The following SHROOM2 variants were observed in gnomAD, a reference collection of about 807,000 sequenced individuals.
SHROOM2 encodes protein Shroom2.
Under a neutral mutation model 75.9 loss-of-function variants are expected in SHROOM2, and 33 were observed. The observed-to-expected ratio is 0.43, with a 90% confidence interval of 0.33 to 0.58. The LOEUF is 0.58. SHROOM2 is among the 20% of genes least tolerant of loss of function. SHROOM2 has a pLI of 0.04. For synonymous variants in SHROOM2, 655 were observed against 663.6 expected, an observed-to-expected ratio of 0.99 and a Z score of 0.20; for missense variants, 1,434 against 1,461.2, an observed-to-expected ratio of 0.98 and a Z score of 0.30.
At chrX:9,803,313 C>T (rs746523830) in intron 1 of SHROOM2, among the ~76,000 whole-genome samples, 2 of 111,567 alleles carry the variant, frequency 1.8e-5, no homozygotes, top group East Asian at 5.6e-4. Flanking sequence ...GTGTAAGCCA[C>T]ATGAGCCATA....
At chrX:9,848,490 G>A (rs990839732) in intron 1 of SHROOM2, among the ~76,000 whole-genome samples, 8 of 62,777 alleles carry the variant, frequency 1.3e-4, no homozygotes, top group African/African-American at 4.4e-4. Flanking sequence ...CGGCCTGGGC[G>A]ACAGAGCGAG....
At chrX:9,848,006 C>A (rs746053670) in intron 1 of SHROOM2, among the ~76,000 whole-genome samples, 1 of 112,210 alleles carries the variant, frequency 8.9e-6, no homozygotes, top group South Asian at 3.7e-4. Flanking sequence ...TGTTTACCAA[C>A]AACCTGAAAA....
At chrX:9,935,482 G>T (rs898145227) in intron 6 of SHROOM2, among the ~76,000 whole-genome samples, 2 of 111,028 alleles carry the variant, frequency 1.8e-5, no homozygotes, top group Non-Finnish European at 3.8e-5. Context: ...GCCTAGCCAG[G>T]GTTTTCCTTC....
chrX:9,796,505 T>G (rs1372726177), intron 1 of SHROOM2, among the ~76,000 whole-genome samples: 1 of 111,978 alleles, frequency 8.9e-6, no homozygotes, highest in Non-Finnish European at 1.9e-5. Context: ...CTATGTTATT[T>G]GTAGCCCACC....
intron 1 of SHROOM2, among the ~76,000 whole-genome samples, chrX:9,851,446 C>CT (rs746715538): frequency 0.088 from 5,455 of 62,168 alleles, 614 homozygotes; most frequent in East Asian, 0.29. Context: ...CAGGATATTG[C>CT]TTTTTTTTTT....
intron 1 of SHROOM2, among the ~76,000 whole-genome samples, chrX:9,839,013 G>A (rs1056275820): frequency 4.5e-5 from 5 of 111,018 alleles, no homozygotes; most frequent in Non-Finnish European, 7.6e-5. Context: ...CTTCCCTGTC[G>A]CACGTGGAAG....
rs1336376754 is a variant in SHROOM2, at chrX:9,939,058, C to G, written c.4140-137C>G. ...ACCTTGTTACCTACTTACTTTTCCCCCTTTGGCTGTCTCATCTCCCTGGCT... is the reference window on the plus strand; with the variant it reads ...ACCTTGTTACCTACTTACTTTTCCCGCTTTGGCTGTCTCATCTCCCTGGCT... On this transcript the variant is annotated intron_variant, in intron 7 of 9. Coordinates refer to ENST00000380913, the MANE Select transcript of SHROOM2 (RefSeq NM_001649.4). The G allele has an allele frequency of 2.2e-5, 10 of 464,987 alleles. No homozygotes were observed. The African/African-American group carries it at 2.5e-4, about 11-fold the overall frequency. The allele number at this position is 464,987 out of a possible 1,213,427, so 38.3% of individuals were successfully genotyped here. A position where few individuals can be genotyped will look rare whatever the true frequency, so the allele number is the denominator to read the frequency against.
At chrX:9,941,831 C>T (rs191058612) in intron 8 of SHROOM2, among the ~76,000 whole-genome samples, 3,215 of 108,392 alleles carry the variant, frequency 0.03, 116 homozygotes, top group African/African-American at 0.1. Flanking sequence ...ATTAGCCAGG[C>T]GTGGTGGCGG....
At position 9,930,137 on chromosome X, in the gene SHROOM2, T is replaced by C. The variant is rs1443875615; in HGVS notation, c.2892-2038T>C. On this transcript the variant is annotated intron_variant, in intron 5 of 9. Coordinates refer to ENST00000380913, the MANE Select transcript of SHROOM2 (RefSeq NM_001649.4). ...GGTACCAGGTGCTTTCAAGTGGGTC[T>C]ATGGGTGATAGATTTCAGGAGTTTT... 3.6e-5 allele frequency among the ~76,000 whole-genome samples: 4 copies of C among 111,555 alleles called. No homozygotes were observed. In the Admixed American group the frequency reaches 3.8e-4, roughly 11 times the overall value.
At chrX:9,865,655 G>C (rs929707488) in intron 1 of SHROOM2, 1 of 99,170 alleles carries the variant, frequency 1.0e-5, no homozygotes, top group Non-Finnish European at 2.0e-5. Context: ...CTGCCTCCCA[G>C]GTTCACACTA....
rs1444618495 is a variant in SHROOM2 at position 9,940,705 on chromosome X, C to T, written c.4311+1339C>T. Among the ~76,000 whole-genome samples the T allele has an allele frequency of 5.3e-5, 6 of 112,711 alleles. No homozygotes were observed. The East Asian group carries it at 8.4e-4, about 16-fold the overall frequency. ...CTTATGATGTCGCACATTCCTGCAA[C>T]GCGTGCACAGGCGGAGGCGTGTTCA... is the stretch of plus-strand genomic sequence containing the variant. On this transcript the variant is annotated intron_variant, in intron 8 of 9. Transcript: ENST00000380913.
At position 9,786,564 on chromosome X, in the gene SHROOM2, C is replaced by G. The variant is rs2083614249; in HGVS notation, c.19C>G (p.Arg7Gly). The G allele has an allele frequency of 4.7e-6, 4 of 855,814 alleles. No homozygotes were observed. The highest frequency in any genetic ancestry group is 4.3e-6 in the Non-Finnish European group (3 of 704,069). 70.5% of individuals were successfully genotyped at this position (855,814 alleles called of 1,213,427 possible). Reference protein sequence around the residue: MEGAEPRARPERLAEAE... With the variant: MEGAEPGARPERLAEAE... ...TCGCGCCATGGAGGGCGCCGAGCCC[C>G]GCGCGCGGCCCGAGCGCCTGGCCGA... Residue 7 changes from arginine (R) to glycine (G), a missense_variant, in exon 1 of 10, where the codon CGC (arginine) becomes GGC (glycine). Arg to Gly is a moderately radical substitution (Grantham distance 125). Transcript: ENST00000380913.
chrX:9,945,063 C>T (rs2084806692), intron 9 of SHROOM2, 150 bp downstream of exon 9: 8 of 496,929 alleles, frequency 1.6e-5, no homozygotes, highest in South Asian at 1.4e-4. Context: ...AGACAGTGCA[C>T]GCTCTATACC....
chrX:9,900,339 G>A (rs1666042336), intron 5 of SHROOM2, among the ~76,000 whole-genome samples: 1 of 111,531 alleles, frequency 9.0e-6, no homozygotes, highest in South Asian at 3.7e-4. Context: ...TTTCAATGGA[G>A]AATAATAGAA....
chrX:9,826,513 T>G (rs60664181), intron 1 of SHROOM2, among the ~76,000 whole-genome samples: 1 of 111,531 alleles, frequency 9.0e-6, no homozygotes, highest in Non-Finnish European at 1.9e-5. Flanking sequence ...GGCTCACTCC[T>G]GTAATCCCAG....
At chrX:9,827,223 C>CTTTTTTTTTTTTTTTTTTTTTTT (rs397953893) in intron 1 of SHROOM2, among the ~76,000 whole-genome samples, 1 of 60,153 alleles carries the variant, frequency 1.7e-5, no homozygotes, top group African/African-American at 7.5e-5. Flanking sequence ...TTTTCTTTTT[C>CTTTTTTTTTTTTTTTTTTTTTTT]TTTTTTTTTT....
intron 1 of SHROOM2, among the ~76,000 whole-genome samples, chrX:9,808,330 G>A (rs1215656524): frequency 9.6e-6 from 1 of 104,698 alleles, no homozygotes; most frequent in Non-Finnish European, 1.9e-5. Context: ...GATCACTGGA[G>A]CCCAGGAGTT....
chrX:9,805,317 C>G (rs1423299103), intron 1 of SHROOM2, among the ~76,000 whole-genome samples: 1 of 112,852 alleles, frequency 8.9e-6, no homozygotes, highest in African/African-American at 3.2e-5. Flanking sequence ...AGGCACTGTT[C>G]AACTTTATGT....
chrX:9,910,432 G>A (rs928280020), intron 5 of SHROOM2, among the ~76,000 whole-genome samples: 24 of 110,827 alleles, frequency 2.2e-4, no homozygotes, highest in South Asian at 3.8e-4. Context: ...CTGGCCAGGC[G>A]CAATGGGTCA....
Sources: gnomAD v4.1 joint callset for allele counts (sites outside exome capture counted in the v4.1 genomes callset) on GRCh38, gnomAD v4.1.1 for gene constraint, MANE v1.5 for transcripts, NCBI Gene and HGNC (gene_info 2026-07-23, HGNC 2026-07-21) for gene names.